The following RAB11FIP2 variants were observed in gnomAD, a reference collection of about 807,000 sequenced individuals.
RAB11FIP2 encodes the protein RAB11 family interacting protein 2.
A neutral mutation model predicts 40.9 loss-of-function variants in RAB11FIP2; 16 were observed. The ratio of observed to expected loss-of-function variants is 0.39; its 90% confidence interval spans 0.26 to 0.59. The LOEUF is 0.59. Among genes scored for constraint, RAB11FIP2 ranks in the 20% least tolerant of loss-of-function variants. The probability of loss-of-function intolerance (pLI) is 0.53; values close to 1 mark genes in which losing one functional copy is unlikely to be tolerated. For missense variants in RAB11FIP2, 532 were observed against 606.2 expected (o/e 0.88, Z 1.28); for synonymous variants, 228 against 213.7 (o/e 1.07, Z -0.58).
chr10:118,008,838 T>C lies in RAB11FIP2; in HGVS notation c.*160A>G. The stretch of plus-strand genomic sequence containing the variant: ...AGCTTGCTTCAAAGGTCACTCTTGA[T>C]AGTCCCTGCTAATATTTACAGGTAA... On this transcript the variant is annotated 3_prime_UTR_variant, in exon 5 of 5. Coordinates refer to ENST00000355624, the MANE Select transcript of RAB11FIP2 (RefSeq NM_014904.3). 1.6e-6 allele frequency: 1 copy of C among 630,170 alleles called. No homozygotes were observed. Among genetic ancestry groups the C allele is most frequent in the Admixed American group, 3.0e-5 (1 of 33,762 alleles). 39.0% of individuals were successfully genotyped at this position (630,170 alleles called of 1,614,324 possible).
intron 1 of RAB11FIP2, among the ~76,000 whole-genome samples, chr10:118,042,810 C>T (rs1589649289): frequency 6.6e-6 from 1 of 152,022 alleles, no homozygotes; most frequent in African/African-American, 2.4e-5. Context: ...ACTGTAAATA[C>T]ACTATAATGT....
chr10:118,017,954 G>A (rs988504677), intron 3 of RAB11FIP2: 1 of 152,174 alleles, frequency 6.6e-6, no homozygotes, highest in Non-Finnish European at 1.5e-5. Context: ...GCTCAAAAAT[G>A]CCTGAGAATT....
At chr10:118,034,357 A>T (rs996311814) in intron 3 of RAB11FIP2, among the ~76,000 whole-genome samples, 2 of 47,596 alleles carry the variant, frequency 4.2e-5, no homozygotes, top group Non-Finnish European at 9.6e-5. Flanking sequence ...TGTCCTAGTT[A>T]AAAAAAAAAA....
At chr10:118,028,670 AG>A (rs1846374342) in intron 3 of RAB11FIP2, among the ~76,000 whole-genome samples, 1 of 152,178 alleles carries the variant, frequency 6.6e-6, no homozygotes, top group Admixed American at 6.6e-5. Context: ...AGCCTGGAAA[AG>A]TAGTGTCCAC....
intron 4 of RAB11FIP2, among the ~76,000 whole-genome samples, chr10:118,011,334 T>C (rs1328379596): frequency 2.0e-5 from 3 of 151,994 alleles, no homozygotes; most frequent in Non-Finnish European, 2.9e-5. Flanking sequence ...ATAAGTGTTG[T>C]TTTACTTCTC....
chr10:118,044,729 G>A (rs954896299), intron 1 of RAB11FIP2, among the ~76,000 whole-genome samples: 20 of 148,340 alleles, frequency 1.3e-4, no homozygotes, highest in Non-Finnish European at 2.0e-4. Flanking sequence ...AAAAGAACAA[G>A]AGAGAGTCGT....
intron 3 of RAB11FIP2, among the ~76,000 whole-genome samples, chr10:118,030,001 C>T (rs1267348444): frequency 6.6e-6 from 1 of 152,150 alleles, no homozygotes; most frequent in Admixed American, 6.5e-5. Flanking sequence ...TAGATCCTGA[C>T]TGTTTTAAAG....
chr10:118,041,880 A>G (rs1846563856), intron 1 of RAB11FIP2, among the ~76,000 whole-genome samples: 1 of 152,152 alleles, frequency 6.6e-6, no homozygotes, highest in South Asian at 2.1e-4. Context: ...TAGAATATCA[A>G]TATTTTAAAA....
intron 3 of RAB11FIP2, chr10:118,017,748 T>A (rs891615898): frequency 6.6e-6 from 1 of 152,162 alleles, no homozygotes; most frequent in African/African-American, 2.4e-5. Flanking sequence ...TTGAACAGTA[T>A]TATGACTATA....
intron 4 of RAB11FIP2, among the ~76,000 whole-genome samples, chr10:118,010,430 C>T (rs1437847689): frequency 2.6e-5 from 4 of 152,048 alleles, no homozygotes; most frequent in Non-Finnish European, 5.9e-5. Context: ...GAATGACCCC[C>T]ACCCCCAATA....
chr10:118,044,451 C>G (rs1253978571), intron 1 of RAB11FIP2, among the ~76,000 whole-genome samples: 1 of 152,034 alleles, frequency 6.6e-6, no homozygotes, highest in Non-Finnish European at 1.5e-5. Flanking sequence ...TAAAGAATCC[C>G]TCGGAGGAAA....
chr10:118,018,579 A>G (rs1469652856), intron 3 of RAB11FIP2, among the ~76,000 whole-genome samples: 1 of 152,256 alleles, frequency 6.6e-6, no homozygotes, highest in Non-Finnish European at 1.5e-5. Flanking sequence ...ATGCAAAAGC[A>G]TCAACAGTTT....
At position 118,046,075 on chromosome 10, in the gene RAB11FIP2, T is replaced by C. The variant is rs762520405; in HGVS notation, c.89A>G (p.Lys30Arg). ...LQAKDLKPKGKSGTNDTYTII... is the reference protein window; with the variant it reads ...LQAKDLKPKGRSGTNDTYTII... ...AGTGTATGTGTCATTGGTACCACTT[T>C]TGCCTTTTGGCTTCAGATCTTTGGC... Residue 30 changes from lysine (K) to arginine (R), a missense_variant, in exon 1 of 5, where the codon AAA (lysine) becomes AGA (arginine). By Grantham distance (26) the Lys-to-Arg change is conservative. Coordinates refer to ENST00000355624, the MANE Select transcript of RAB11FIP2 (RefSeq NM_014904.3). 8 of 1,614,252 alleles carry C rather than the reference T, an allele frequency of 5.0e-6. 1 individual carries two copies. In the South Asian group the frequency reaches 7.7e-5, roughly 16 times the overall value.
At chr10:118,015,034 T>A (rs368293290) in intron 4 of RAB11FIP2, 31 bp downstream of exon 4, 231 of 1,566,764 alleles carry the variant, frequency 1.5e-4, no homozygotes, top group Non-Finnish European at 1.9e-4. Flanking sequence ...GCTTACTCTT[T>A]GACAACCCTC....
intron 3 of RAB11FIP2, among the ~76,000 whole-genome samples, chr10:118,036,924 C>G (rs1485520896): frequency 6.6e-6 from 1 of 152,066 alleles, no homozygotes; most frequent in Admixed American, 6.6e-5. Flanking sequence ...AACTCAAATA[C>G]AGGGCAATTA....
At chr10:118,015,231 G>T (rs1846203862) in intron 3 of RAB11FIP2, 121 bp from the exon 4 acceptor site, 2 of 626,984 alleles carry the variant, frequency 3.2e-6, no homozygotes, top group African/African-American at 1.9e-5. Context: ...ATTCAGAGGA[G>T]TGAAATTTAA....
At chr10:118,031,440 T>C (rs1419890489) in intron 3 of RAB11FIP2, among the ~76,000 whole-genome samples, 1 of 152,154 alleles carries the variant, frequency 6.6e-6, no homozygotes, top group African/African-American at 2.4e-5. Flanking sequence ...AAGCTTATGG[T>C]GATTTGAAAA....
intron 3 of RAB11FIP2, among the ~76,000 whole-genome samples, chr10:118,023,496 C>G (rs1468873285): frequency 6.6e-6 from 1 of 151,928 alleles, no homozygotes. Context: ...GGCATGTACA[C>G]CAAAACCTCG....
intron 3 of RAB11FIP2, among the ~76,000 whole-genome samples, chr10:118,026,817 G>C (rs146000075): frequency 6.6e-6 from 1 of 152,224 alleles, no homozygotes; most frequent in East Asian, 1.9e-4. Flanking sequence ...ACTTAATACA[G>C]AGAATACTTT....
Sources: allele counts gnomAD v4.1 joint callset (sites outside exome capture counted in the v4.1 genomes callset), GRCh38; gene constraint gnomAD v4.1.1; transcripts MANE v1.5; gene names NCBI Gene and HGNC (gene_info 2026-07-23, HGNC 2026-07-21).